The following TBC1D31 variants were observed in gnomAD, a reference collection of about 807,000 sequenced individuals.
The protein encoded by TBC1D31 is WD repeat domain 67.
Under a neutral mutation model 132.9 loss-of-function variants are expected in TBC1D31, and 99 were observed. The observed-to-expected ratio is 0.74, with a 90% CI of 0.63 to 0.88. The LOEUF (loss-of-function observed/expected upper bound fraction) is 0.88, where lower values mean the gene tolerates loss of function less well. TBC1D31 is among the 40% of genes least tolerant of loss of function. The pLI, the probability that TBC1D31 is intolerant of heterozygous loss-of-function variation, is 0.00. For missense variants in TBC1D31, 1,134 were observed against 1,256.6 expected (o/e 0.90, Z 1.48); for synonymous variants, 385 against 419.4 (o/e 0.92, Z 1.00).
chr8:123,090,173 T>A (rs189876899), intron 4 of TBC1D31, among the ~76,000 whole-genome samples: 1 of 152,338 alleles, frequency 6.6e-6, no homozygotes, highest in East Asian at 1.9e-4. Context: ...TTTTAAAGCT[T>A]TAATCCTAAA....
intron 4 of TBC1D31, among the ~76,000 whole-genome samples, chr8:123,089,302 G>A (rs753961790): frequency 6.6e-6 from 1 of 152,176 alleles, no homozygotes; most frequent in Non-Finnish European, 1.5e-5. Flanking sequence ...TCAACATTAA[G>A]TGTGATAATC....
intron 5 of TBC1D31, among the ~76,000 whole-genome samples, chr8:123,093,954 CT>C (rs778770695): frequency 6.6e-5 from 10 of 151,102 alleles, no homozygotes; most frequent in African/African-American, 1.9e-4. Flanking sequence ...AGAATTTCTT[CT>C]TTTTTTTTGT....
intron 4 of TBC1D31, among the ~76,000 whole-genome samples, chr8:123,092,779 AGCTGGGACTACAG>A (rs962303211): frequency 8.2e-5 from 12 of 146,324 alleles, no homozygotes; most frequent in Non-Finnish European, 1.5e-4. Flanking sequence ...CCTCCTGAGT[AGCTGGGACTACAG>A]GCACACACCC....
rs1323328288 is a variant in TBC1D31, at chr8:123,120,065, G to A, written c.1447G>A (p.Ala483Thr). The part of the protein sequence containing the change: ...LLRVLQRTLS[A>T]LAHWSVIFSD... ...TTATTTTATTCACAGAACCTTATCT[G>A]CATTAGCTCACTGGTCTGTCATTTT... Residue 483 changes from alanine (A) to threonine (T), a missense_variant, in exon 11 of 22, where the codon GCA becomes ACA. By Grantham distance (58) the Ala-to-Thr change is moderately conservative (BLOSUM62 0). Coordinates refer to ENST00000287380, the MANE Select transcript of TBC1D31 (RefSeq NM_145647.4). The A allele has an allele frequency of 3.1e-6, 5 of 1,600,966 alleles. No homozygotes were observed. Among genetic ancestry groups the A allele is most frequent in the Non-Finnish European group, 4.3e-6 (5 of 1,175,540 alleles).
chr8:123,082,307 C>A (rs1586557540), intron 2 of TBC1D31, among the ~76,000 whole-genome samples: 2 of 152,116 alleles, frequency 1.3e-5, no homozygotes, highest in Admixed American at 1.3e-4. Flanking sequence ...CCCTCTTCTT[C>A]ACTCCATGTT....
chr8:123,094,217 A>G (rs940485048), intron 5 of TBC1D31, among the ~76,000 whole-genome samples: 5 of 151,858 alleles, frequency 3.3e-5, no homozygotes, highest in Admixed American at 1.3e-4. Context: ...GGCACGTGCC[A>G]CCATACTGGC....
At chr8:123,162,834 T>C in the TBC1D31 span, among the ~76,000 whole-genome samples, 1 of 150,958 alleles carries the variant, frequency 6.6e-6, no homozygotes, top group Non-Finnish European at 1.5e-5. Context: ...TGTTTTCCTT[T>C]TTCTTTTCTT....
chr8:123,161,714 C>T, the TBC1D31 span, among the ~76,000 whole-genome samples: 1 of 152,054 alleles, frequency 6.6e-6, no homozygotes, highest in Non-Finnish European at 1.5e-5. Flanking sequence ...GAGTATATGA[C>T]ATTTAAAAAT....
chr8:123,157,221 A>G, the TBC1D31 span, among the ~76,000 whole-genome samples: 1 of 152,228 alleles, frequency 6.6e-6, no homozygotes, highest in East Asian at 1.9e-4. Context: ...ACAGCAAACA[A>G]AATTATTGTG....
chr8:123,135,045 G>A (rs531012904), intron 17 of TBC1D31, among the ~76,000 whole-genome samples: 2 of 152,082 alleles, frequency 1.3e-5, no homozygotes, highest in Non-Finnish European at 1.5e-5. Flanking sequence ...GACTACAGAC[G>A]TGCGCCACCA....
intron 4 of TBC1D31, among the ~76,000 whole-genome samples, chr8:123,085,521 G>A (rs992056974): frequency 5.9e-5 from 9 of 152,076 alleles, no homozygotes; most frequent in South Asian, 2.1e-4. Context: ...TGCAAGCTCC[G>A]CCTCCCAGGT....
chr8:123,093,679 A>G lies in TBC1D31; in HGVS notation c.608A>G (p.Lys203Arg). Residue 203 changes from lysine (K) to arginine (R), a missense_variant, in exon 5 of 22, where the codon AAA (lysine) becomes AGA (arginine). Lys to Arg is a conservative substitution (Grantham distance 26). Transcript: ENST00000287380. ...TGGGAATGTGACACACTTTTTTGCA[A>G]ATATCAATTGCCAGCTCCACCTGAA... ...FAWECDTLFC[K>R]YQLPAPPESS... 6.2e-7 allele frequency: 1 copy of G among 1,611,812 alleles called. No individual in the cohort carries two copies. The highest frequency in any genetic ancestry group is 8.5e-7 in the Non-Finnish European group (1 of 1,178,430).
chr8:123,074,079 T>C (rs2130574937), intron 1 of TBC1D31, among the ~76,000 whole-genome samples: 1 of 150,660 alleles, frequency 6.6e-6, no homozygotes, highest in East Asian at 2.0e-4. Context: ...TTGCCCAGGG[T>C]CGGATGCAGT....
At chr8:123,128,177 A>G (rs1586693879) in intron 13 of TBC1D31, 104 bp from the exon 14 acceptor site, 2 of 542,780 alleles carry the variant, frequency 3.7e-6, no homozygotes, top group Non-Finnish European at 6.4e-6. Flanking sequence ...AAAAAAATAT[A>G]TATTCTTAAA....
intron 10 of TBC1D31, among the ~76,000 whole-genome samples, chr8:123,115,704 C>A (rs1044759841): frequency 6.6e-6 from 1 of 152,154 alleles, no homozygotes; most frequent in African/African-American, 2.4e-5. Flanking sequence ...TCCCATATTT[C>A]ATGACTCAGA....
At chr8:123,125,307 T>A (rs1819930751) in intron 11 of TBC1D31, among the ~76,000 whole-genome samples, 2 of 152,154 alleles carry the variant, frequency 1.3e-5, no homozygotes, top group Non-Finnish European at 2.9e-5. Flanking sequence ...GATTACAGAG[T>A]GCAAGTGAGT....
At chr8:123,077,535 T>G (rs906249902) in intron 2 of TBC1D31, among the ~76,000 whole-genome samples, 3 of 143,108 alleles carry the variant, frequency 2.1e-5, no homozygotes, top group African/African-American at 8.8e-5. Context: ...TATTGCTAAT[T>G]TTTTTTTTTT....
chr8:123,089,166 G>A (rs1224513314), intron 4 of TBC1D31, among the ~76,000 whole-genome samples: 3 of 152,118 alleles, frequency 2.0e-5, no homozygotes, highest in Non-Finnish European at 4.4e-5. Flanking sequence ...CAGATTTTCG[G>A]ATCAGGGATA....
At chr8:123,158,740 TGAG>T in the TBC1D31 span, among the ~76,000 whole-genome samples, 4 of 152,012 alleles carry the variant, frequency 2.6e-5, no homozygotes, top group African/African-American at 9.7e-5. Flanking sequence ...CCACAATTGC[TGAG>T]GATAGGCGAA....
Sources: gnomAD v4.1 joint callset for allele counts (sites outside exome capture counted in the v4.1 genomes callset) on GRCh38, gnomAD v4.1.1 for gene constraint, MANE v1.5 for transcripts, NCBI Gene and HGNC (gene_info 2026-07-23, HGNC 2026-07-21) for gene names.